THSD7A: variants seen among roughly 807,000 people sequenced by gnomAD.
THSD7A encodes thrombospondin type-1 domain-containing protein 7A.
A neutral mutation model predicts 231.3 loss-of-function variants in THSD7A; 96 were observed. The observed-to-expected ratio is 0.41, with a 90% CI of 0.35 to 0.49. THSD7A has a LOEUF of 0.49. THSD7A is among the 20% of genes least tolerant of loss of function. THSD7A has a pLI of 0.05. For synonymous variants in THSD7A, 940 were observed against 743.3 expected, an observed-to-expected ratio of 1.26 and a Z score of -4.30; for missense variants, 2,290 against 2,070.2, an observed-to-expected ratio of 1.11 and a Z score of -2.06.
At chr7:11,750,618 G>A (rs10229785) in intron 1 of THSD7A, among the ~76,000 whole-genome samples, 3,880 of 151,948 alleles carry the variant, frequency 0.026, 182 homozygotes, top group African/African-American at 0.089. Context: ...ATCAAACAGA[G>A]GCCCCTGACG....
chr7:11,584,149 C>T (rs1447621748), intron 4 of THSD7A, among the ~76,000 whole-genome samples: 4 of 152,152 alleles, frequency 2.6e-5, no homozygotes, highest in Non-Finnish European at 5.9e-5. Flanking sequence ...ACCATCCCCA[C>T]CCAAGGGCAA....
chr7:11,681,572 T>C (rs932063325), intron 1 of THSD7A, among the ~76,000 whole-genome samples: 5 of 152,022 alleles, frequency 3.3e-5, no homozygotes, highest in Non-Finnish European at 2.9e-5. Flanking sequence ...AAATAATTTT[T>C]TTTTAAGAAG....
chr7:11,778,156 C>CAAAAAAAAAAAAAAAAAAAAAAAA (rs57740181), intron 1 of THSD7A, among the ~76,000 whole-genome samples: 1 of 45,060 alleles, frequency 2.2e-5, no homozygotes, highest in African/African-American at 7.0e-5. Context: ...GACTCCGTCT[C>CAAAAAAAAAAAAAAAAAAAAAAAA]AAAAAAAAAA....
intron 2 of THSD7A, among the ~76,000 whole-genome samples, chr7:11,604,195 G>T (rs753151941): frequency 6.6e-6 from 1 of 152,006 alleles, no homozygotes; most frequent in Non-Finnish European, 1.5e-5. Context: ...CATGAAGTAG[G>T]TATTATTATT....
At chr7:11,399,830 T>C (rs1783330983) in intron 23 of THSD7A, among the ~76,000 whole-genome samples, 1 of 152,154 alleles carries the variant, frequency 6.6e-6, no homozygotes, top group African/African-American at 2.4e-5. Flanking sequence ...CAAAGGACTA[T>C]AAATCATGCT....
chr7:11,652,401 A>G (rs1782538381), intron 1 of THSD7A, among the ~76,000 whole-genome samples: 1 of 152,016 alleles, frequency 6.6e-6, no homozygotes, highest in Non-Finnish European at 1.5e-5. Context: ...TTTACAAGAC[A>G]CTGTAGACAC....
intron 6 of THSD7A, among the ~76,000 whole-genome samples, chr7:11,537,214 T>TTACA (rs1788949398): frequency 6.6e-6 from 1 of 152,136 alleles, no homozygotes; most frequent in Admixed American, 6.5e-5. Context: ...ACATATCTTA[T>TTACA]TACAGAAGGA....
intron 4 of THSD7A, among the ~76,000 whole-genome samples, chr7:11,585,307 T>C (rs962331680): frequency 4.6e-5 from 7 of 152,274 alleles, no homozygotes; most frequent in East Asian, 1.9e-4. Context: ...AGTAATTTCA[T>C]AGGGTAAAAG....
intron 11 of THSD7A, among the ~76,000 whole-genome samples, chr7:11,459,922 C>T (rs928588406): frequency 6.6e-6 from 1 of 151,968 alleles, no homozygotes; most frequent in Non-Finnish European, 1.5e-5. Flanking sequence ...TTTAAATACG[C>T]AGCAGGAGCT....
intron 4 of THSD7A, among the ~76,000 whole-genome samples, chr7:11,589,777 A>C (rs1191982034): frequency 6.6e-6 from 1 of 152,204 alleles, no homozygotes; most frequent in East Asian, 1.9e-4. Flanking sequence ...TTCAATATAC[A>C]CTTAATCAAA....
intron 1 of THSD7A, among the ~76,000 whole-genome samples, chr7:11,786,196 A>C (rs574542293): frequency 1.3e-3 from 196 of 151,402 alleles, no homozygotes; most frequent in African/African-American, 4.3e-3. Flanking sequence ...CAGACACTGG[A>C]CCTACTATAC....
At chr7:11,544,476 C>T (rs145638382) in intron 4 of THSD7A, among the ~76,000 whole-genome samples, 48 of 152,298 alleles carry the variant, frequency 3.2e-4, no homozygotes, top group African/African-American at 9.9e-4. Context: ...AGCTATTTCT[C>T]ATTCTCCTGT....
At chr7:11,601,582 T>G (rs978824968) in intron 2 of THSD7A, among the ~76,000 whole-genome samples, 9 of 152,170 alleles carry the variant, frequency 5.9e-5, no homozygotes, top group Admixed American at 1.3e-4. Context: ...TGGACCTACC[T>G]GATATGCAAC....
At chr7:11,684,994 CA>C (rs1288895872) in intron 1 of THSD7A, among the ~76,000 whole-genome samples, 1 of 151,852 alleles carries the variant, frequency 6.6e-6, no homozygotes, top group Non-Finnish European at 1.5e-5. Context: ...TATAAGTAAC[CA>C]AAACTGCATG....
chr7:11,776,763 T>C (rs1394154892), intron 1 of THSD7A, among the ~76,000 whole-genome samples: 1 of 152,206 alleles, frequency 6.6e-6, no homozygotes, highest in Non-Finnish European at 1.5e-5. Flanking sequence ...TCTTGACAAC[T>C]AGTAAAATAG....
intron 1 of THSD7A, among the ~76,000 whole-genome samples, chr7:11,794,058 A>G (rs1362391366): frequency 6.6e-6 from 1 of 151,898 alleles, no homozygotes; most frequent in Non-Finnish European, 1.5e-5. Context: ...AAGAAACAGG[A>G]ATTTTCAGAT....
chr7:11,766,656 T>C (rs1034324670), intron 1 of THSD7A, among the ~76,000 whole-genome samples: 3 of 152,184 alleles, frequency 2.0e-5, no homozygotes, highest in Non-Finnish European at 2.9e-5. Context: ...GAACTGAATA[T>C]AATAATCAGG....
intron 8 of THSD7A, among the ~76,000 whole-genome samples, chr7:11,470,536 ATAAT>A (rs1343709149): frequency 4.0e-5 from 6 of 151,804 alleles, no homozygotes; most frequent in East Asian, 1.9e-4. Flanking sequence ...ATATTTAATA[ATAAT>A]TAAGATAATA....
chr7:11,656,787 A>T lies in THSD7A; in HGVS notation c.191-19826T>A, dbSNP rs16877022. 8.1e-3 allele frequency among the ~76,000 whole-genome samples: 1,224 copies of T among 151,976 alleles called. 62 individuals are homozygous for T. Among genetic ancestry groups the T allele is most frequent in the Admixed American group, 0.07 (1,059 of 15,202 alleles). On this transcript the variant is annotated intron_variant, in intron 1 of 27. Transcript: ENST00000423059. ...ATTTACTCATTACCTTTCTGAGTTG[A>T]GAAATACCTGAAGTCGGAAGGTGGG... is the stretch of plus-strand genomic sequence containing the variant.
Sources: gnomAD v4.1 joint callset for allele counts (sites outside exome capture counted in the v4.1 genomes callset) on GRCh38, gnomAD v4.1.1 for gene constraint, MANE v1.5 for transcripts, NCBI Gene and HGNC (gene_info 2026-07-23, HGNC 2026-07-21) for gene names.